Variants in RTTN observed in about 807,000 individuals in gnomAD.
The protein encoded by RTTN is rotatin.
RTTN carries 182 observed loss-of-function variants against 269.2 expected under a neutral mutation model. That is an observed-to-expected ratio of 0.68 (90% confidence interval 0.60 to 0.76). The LOEUF (loss-of-function observed/expected upper bound fraction) is 0.76. Ranked by LOEUF, RTTN falls within the 30% of genes least tolerant of loss-of-function variation. The pLI, the probability that RTTN is intolerant of heterozygous loss-of-function variation, is 0.00. For missense variants in RTTN, 2,545 were observed against 2,608.6 expected, an observed-to-expected ratio of 0.98 and a Z score of 0.53; for synonymous variants, 1,006 against 963.5, an observed-to-expected ratio of 1.04 and a Z score of -0.82.
intron 23 of RTTN, among the ~76,000 whole-genome samples, chr18:70,132,824 T>C (rs529012614): frequency 3.0e-4 from 46 of 152,126 alleles, no homozygotes; most frequent in Admixed American, 6.6e-4. Flanking sequence ...ATCCATCAGA[T>C]GGGCAACAAT....
At position 70,017,441 on chromosome 18, in the gene RTTN, G is replaced by A. The variant is rs370591340; in HGVS notation, c.6387C>T (p.Phe2129=). The part of the protein sequence containing the change: ...LPLLIFHNVC[F]SPANKPKILA... Reference sequence around the variant, plus strand: ...GGATCTTGGGTTTATTTGCAGGACTGAAGCAAACATTATGAAAGATAAGAA... The same window carrying A: ...GGATCTTGGGTTTATTTGCAGGACTAAAGCAAACATTATGAAAGATAAGAA... The change falls in exon 46 of 49, where the codon TTC becomes TTT. Residue 2129 remains phenylalanine, a synonymous_variant. Coordinates refer to ENST00000640769, the MANE Select transcript of RTTN (RefSeq NM_173630.4). 120 of 1,613,868 alleles carry A rather than the reference G, an allele frequency of 7.4e-5. No homozygotes were observed. The highest frequency in any genetic ancestry group is 1.0e-4 in the Non-Finnish European group (118 of 1,179,908).
chr18:70,096,400 G>A (rs924567328), intron 28 of RTTN, among the ~76,000 whole-genome samples: 2 of 152,164 alleles, frequency 1.3e-5, no homozygotes, highest in Non-Finnish European at 2.9e-5. Context: ...GGAACTTTCC[G>A]CATTTTTGCA....
rs779474007 is a variant in RTTN, at chr18:70,092,257, A to G, written c.4033-37T>C. 2.3e-6 allele frequency: 3 copies of G among 1,291,150 alleles called. No homozygotes were observed. In the East Asian group the frequency reaches 6.9e-5, roughly 30 times the overall value. 80.0% of individuals were successfully genotyped at this position (1,291,150 alleles called of 1,614,324 possible). On this transcript the variant is annotated intron_variant, in intron 29 of 48. Transcript: ENST00000640769. ...AAAGGGAAACAGAAATATTTGAGGT[A>G]AGTTTCTAAAAATAAAATGCAGGAA...
chr18:70,192,959 A>G (rs1353088209), intron 8 of RTTN: 1 of 195,522 alleles, frequency 5.1e-6, no homozygotes, highest in Non-Finnish European at 1.0e-5. Flanking sequence ...AACTGAAAAT[A>G]TAGTTCAGTG....
chr18:70,199,489 T>C lies in RTTN; in HGVS notation c.503A>G (p.Lys168Arg). The part of the protein sequence containing the change: ...PPRPVVNQTV[K>R]CLKFSTFPWL... ...AGGAAATGTAGAAAACTTCAAGCACTTCACAGTCTGATTTACTGTCAGTGA... is the reference window on the plus strand; with the variant it reads ...AGGAAATGTAGAAAACTTCAAGCACCTCACAGTCTGATTTACTGTCAGTGA... The change falls in exon 5 of 49, where the codon AAG becomes AGG. Residue 168 changes from lysine (K) to arginine (R), a missense_variant. Lys to Arg is a conservative substitution (Grantham distance 26). Transcript: ENST00000640769. 1.2e-6 allele frequency: 2 copies of C among 1,611,508 alleles called. No homozygotes were observed. Among genetic ancestry groups the C allele is most frequent in the Non-Finnish European group, 1.7e-6 (2 of 1,177,864 alleles).
chr18:70,134,690 C>A, intron 22 of RTTN, 149 bp from the exon 23 acceptor site: 1 of 577,994 alleles, frequency 1.7e-6, no homozygotes. Context: ...AACATGTTTG[C>A]TACTTCCTAG....
At chr18:70,022,143 T>C (rs2056723840) in intron 44 of RTTN, among the ~76,000 whole-genome samples, 1 of 152,226 alleles carries the variant, frequency 6.6e-6, no homozygotes, top group African/African-American at 2.4e-5. Context: ...GCTTCTCTGG[T>C]GTGTTTACTT....
rs528023749 is a variant in RTTN, at chr18:70,065,622, C to T, written c.4747+207G>A. The stretch of plus-strand genomic sequence containing the variant: ...AATAAGGAGCCACACAGGAATTGGA[C>T]TATTTATTTAAGAGCCAAATTCCAT... On this transcript the variant is annotated intron_variant, in intron 35 of 48. Transcript: ENST00000640769. Among the ~76,000 whole-genome samples, 12 of 152,244 alleles carry T rather than the reference C, an allele frequency of 7.9e-5. No homozygotes were observed. In the South Asian group the frequency reaches 2.3e-3, roughly 29 times the overall value.
At chr18:70,161,265 A>T (rs1027420946) in intron 14 of RTTN, among the ~76,000 whole-genome samples, 1 of 152,214 alleles carries the variant, frequency 6.6e-6, no homozygotes, top group African/African-American at 2.4e-5. Flanking sequence ...CCTACTCAGT[A>T]AACAGTGCTG....
At position 70,128,425 on chromosome 18, in the gene RTTN, TC is replaced by T; in HGVS notation, c.3075del (p.Trp1025Ter). ...TCACTCCCATGATACCATGACAGGTTCCAAGCTATTCTCAGCATATCTGACA... is the reference window on the plus strand; with the variant it reads ...TCACTCCCATGATACCATGACAGGTTCAAGCTATTCTCAGCATATCTGACA... ...KPVSDMLRIA[W>X]NLSWYHGSDN... On this transcript the variant is annotated frameshift_variant, in exon 24 of 49. Transcript: ENST00000640769. LOFTEE classifies it high-confidence loss of function. 6.2e-7 allele frequency: 1 copy of T among 1,613,408 alleles called. No individual in the cohort carries two copies. The highest frequency in any genetic ancestry group is 8.5e-7 in the Non-Finnish European group (1 of 1,179,562).
At chr18:70,043,163 G>C (rs903977564) in intron 40 of RTTN, among the ~76,000 whole-genome samples, 1 of 152,206 alleles carries the variant, frequency 6.6e-6, no homozygotes, top group African/African-American at 2.4e-5. Context: ...TGACAATTCT[G>C]AACACACTGA....
chr18:70,091,756 C>CT lies in RTTN; in HGVS notation c.4143+353dup, dbSNP rs879690117. ...ATGTATATGTATATATGTTTTGTGT[C>CT]TTTTTTTTTTTTTTGAGATGGAGTC... On this transcript the variant is annotated intron_variant, in intron 30 of 48. Coordinates refer to ENST00000640769, the MANE Select transcript of RTTN (RefSeq NM_173630.4). The CT allele has an allele frequency of 6.6e-3, 974 of 146,912 alleles. 4 individuals carry two copies. The highest frequency in any genetic ancestry group is 0.016 in the South Asian group (79 of 4,848). 9.1% of individuals were successfully genotyped at this position (146,912 alleles called of 1,614,324 possible).
Position 70,124,158 on chromosome 18 carries a change from G to A in RTTN, c.3384-2458C>T, listed in dbSNP as rs116391996. Among the ~76,000 whole-genome samples, 763 of 152,044 alleles carry A rather than the reference G, an allele frequency of 5.0e-3. 5 individuals are homozygous for A. Among genetic ancestry groups the A allele is most frequent in the African/African-American group, 0.017 (723 of 41,492 alleles). On this transcript the variant is annotated intron_variant, in intron 25 of 48. Transcript: ENST00000640769. ...ATGTTTAAATGAAGAGCTGTCACAT[G>A]TGAAGACATTATTTATTCTGTGAGT...
intron 28 of RTTN, among the ~76,000 whole-genome samples, chr18:70,098,333 A>C (rs1267217328): frequency 1.3e-5 from 2 of 152,218 alleles, no homozygotes; most frequent in Admixed American, 1.3e-4. Context: ...CCAAACTAGC[A>C]GAAGACAAGA....
chr18:70,194,064 A>G (rs1233478747), intron 7 of RTTN: 2 of 152,270 alleles, frequency 1.3e-5, no homozygotes, highest in African/African-American at 4.8e-5. Context: ...TTCAGAATAT[A>G]TAAGTAACCT....
intron 14 of RTTN, among the ~76,000 whole-genome samples, chr18:70,164,378 T>A (rs79490484): frequency 7.3e-6 from 1 of 136,154 alleles, no homozygotes; most frequent in Non-Finnish European, 1.6e-5. Context: ...TGCCCAGCTA[T>A]TTTTTTTTTT....
chr18:70,023,420 T>C (rs889318221), intron 44 of RTTN, among the ~76,000 whole-genome samples: 1 of 152,198 alleles, frequency 6.6e-6, no homozygotes, highest in African/African-American at 2.4e-5. Flanking sequence ...AGCTTACTAT[T>C]TTCACTTGAG....
intron 8 of RTTN, among the ~76,000 whole-genome samples, chr18:70,191,592 G>A (rs1173801905): frequency 2.6e-5 from 4 of 152,138 alleles, no homozygotes; most frequent in Admixed American, 2.6e-4. Flanking sequence ...TCATTAAAAA[G>A]TTCTTACCTC....
chr18:70,004,223 T>C lies in RTTN; in HGVS notation c.6609A>G (p.Ser2203=). 1 of 1,613,278 alleles carries C rather than the reference T, an allele frequency of 6.2e-7. No individual in the cohort carries two copies. ...AATAGGCATTTAGAGGGTTTGCTTC[T>C]GAGTTTGGGAAAGCTGAGATAGAAA... The part of the protein sequence containing the change: ...YSLAKKTFPN[S]EANPLNAYYL... The change falls in exon 49 of 49, where the codon TCA becomes TCG. Residue 2203 remains serine, a synonymous_variant. Coordinates refer to ENST00000640769, the MANE Select transcript of RTTN (RefSeq NM_173630.4).
Sources: allele counts gnomAD v4.1 joint callset (sites outside exome capture counted in the v4.1 genomes callset), GRCh38; gene constraint gnomAD v4.1.1; transcripts MANE v1.5; gene names NCBI Gene and HGNC (gene_info 2026-07-23, HGNC 2026-07-21).